The following HIVEP3 variants were observed in gnomAD, a reference collection of about 807,000 sequenced individuals.
The protein encoded by HIVEP3 is transcription factor HIVEP3.
A neutral mutation model predicts 152.8 loss-of-function variants in HIVEP3; 49 were observed. The ratio of observed to expected loss-of-function variants is 0.32; its 90% CI spans 0.26 to 0.41. The LOEUF is 0.41. Among genes scored for constraint, HIVEP3 ranks in the 10% least tolerant of loss-of-function variants. HIVEP3 has a pLI of 1.00. For synonymous variants in HIVEP3, 1,269 were observed against 1,289.0 expected, an observed-to-expected ratio of 0.98 and a Z score of 0.33; for missense variants, 2,790 against 3,103.3, an observed-to-expected ratio of 0.90 and a Z score of 2.40.
intron 5 of HIVEP3, among the ~76,000 whole-genome samples, chr1:41,553,982 G>T (rs959724877): frequency 6.6e-6 from 1 of 152,144 alleles, no homozygotes; most frequent in Non-Finnish European, 1.5e-5. Context: ...TCTTGGGGTT[G>T]CTCTTTTCAA....
intron 2 of HIVEP3, among the ~76,000 whole-genome samples, chr1:41,674,461 A>C (rs1645923904): frequency 6.6e-6 from 1 of 152,190 alleles, no homozygotes; most frequent in South Asian, 2.1e-4. Flanking sequence ...TATTTCAAGG[A>C]CGTGGGATTC....
chr1:41,748,173 C>T (rs986007466), intron 1 of HIVEP3, among the ~76,000 whole-genome samples: 4 of 152,224 alleles, frequency 2.6e-5, no homozygotes, highest in African/African-American at 4.8e-5. Context: ...TCAGAAGTCA[C>T]GGCAGGGCCT....
intron 1 of HIVEP3, among the ~76,000 whole-genome samples, chr1:41,810,337 A>G (rs1056289067): frequency 6.6e-6 from 1 of 152,244 alleles, no homozygotes; most frequent in Admixed American, 6.5e-5. Flanking sequence ...CTTGTAAGAA[A>G]GCAAAACTCC....
intron 1 of HIVEP3, among the ~76,000 whole-genome samples, chr1:41,839,947 T>C (rs577777256): frequency 6.6e-6 from 1 of 152,330 alleles, no homozygotes; most frequent in Middle Eastern, 3.4e-3. Flanking sequence ...GTGTGACTAT[T>C]TAAATGAGAT....
intron 1 of HIVEP3, among the ~76,000 whole-genome samples, chr1:41,852,486 T>G (rs1332004505): frequency 3.9e-5 from 6 of 152,224 alleles, no homozygotes; most frequent in Non-Finnish European, 8.8e-5. Flanking sequence ...AGCTTCCCTC[T>G]TATGACCAGG....
intron 6 of HIVEP3, among the ~76,000 whole-genome samples, chr1:41,521,029 AATGGAACCTAG>A (rs777336641): frequency 1.2e-4 from 18 of 152,204 alleles, no homozygotes; most frequent in Non-Finnish European, 2.5e-4. Context: ...GTGGAGGCAG[AATGGAACCTAG>A]ATGGAACCTG....
rs186600895 is a variant in HIVEP3 at position 41,809,113 on chromosome 1, C to T, written c.-800-108118G>A. On this transcript the variant is annotated intron_variant, in intron 1 of 8. Transcript: ENST00000372583. ...TACTAGGTGGTCTCAAGCTAAGTAA[C>T]ACAATTTGGGGTTCAGAGCACAGCT... 2.6e-5 allele frequency among the ~76,000 whole-genome samples: 4 copies of T among 152,294 alleles called. No homozygotes were observed. In the East Asian group the frequency reaches 5.8e-4, roughly 22 times the overall value.
intron 5 of HIVEP3, chr1:41,542,197 A>C (rs1254010967): frequency 1.3e-5 from 2 of 152,272 alleles, no homozygotes; most frequent in African/African-American, 4.8e-5. Context: ...TTTCGTGCTA[A>C]GAGGCTGGCT....
At chr1:41,982,277 G>A (rs1360026703) in intron 1 of HIVEP3, among the ~76,000 whole-genome samples, 3 of 152,174 alleles carry the variant, frequency 2.0e-5, no homozygotes, top group Non-Finnish European at 4.4e-5. Context: ...GGATTCAAAG[G>A]TAACAAAATC....
chr1:41,839,591 G>A (rs1447963556), intron 1 of HIVEP3, among the ~76,000 whole-genome samples: 13 of 152,236 alleles, frequency 8.5e-5, no homozygotes, highest in South Asian at 4.2e-4. Flanking sequence ...CTAACAAATC[G>A]CAGGGCCCAG....
In HIVEP3 at chr1:41,806,859, C is replaced by T. The variant is rs187765892; in HGVS notation, c.-800-105864G>A. Among the ~76,000 whole-genome samples, 10 of 152,260 alleles carry T rather than the reference C, an allele frequency of 6.6e-5. No homozygotes were observed. In the East Asian group the frequency reaches 7.7e-4, roughly 12 times the overall value. ...CTGCTTTACCCAAGAGAGGTCAAGA[C>T]GACAGGACTGAGAGTATGATGTGCT... On this transcript the variant is annotated intron_variant, in intron 1 of 8. Transcript: ENST00000372583.
At chr1:41,518,374 G>A in intron 7 of HIVEP3, 28 bp downstream of exon 7, 1 of 1,585,134 alleles carries the variant, frequency 6.3e-7, no homozygotes, top group Non-Finnish European at 8.7e-7. Context: ...CAAGGGGAAA[G>A]GGGACGGAGA....
At chr1:41,819,873 C>T (rs1642537333) in intron 1 of HIVEP3, among the ~76,000 whole-genome samples, 1 of 152,080 alleles carries the variant, frequency 6.6e-6, no homozygotes. Flanking sequence ...TATATAAATG[C>T]TTTAGATCAG....
At chr1:41,711,332 G>A (rs561869518) in intron 1 of HIVEP3, among the ~76,000 whole-genome samples, 11 of 152,348 alleles carry the variant, frequency 7.2e-5, no homozygotes, top group African/African-American at 1.2e-4. Flanking sequence ...CATCCATGGC[G>A]TCTACTGGTT....
chr1:41,548,473 C>A (rs1307514337), intron 5 of HIVEP3, among the ~76,000 whole-genome samples: 1 of 152,154 alleles, frequency 6.6e-6, no homozygotes, highest in Admixed American at 6.5e-5. Context: ...CTTTTTTAAG[C>A]AACTCTTTTT....
rs548994798 is a variant in HIVEP3, at chr1:41,560,664, G to A, written c.5207+14880C>T. 3.5e-4 allele frequency among the ~76,000 whole-genome samples: 54 copies of A among 152,340 alleles called. 1 individual carries two copies. The highest frequency in any genetic ancestry group is 1.3e-3 in the African/African-American group (53 of 41,586). The stretch of plus-strand genomic sequence containing the variant: ...ACCCCGTGGACTGCAAGGAACTGCT[G>A]AAGCTGCTGGGTTGGGTCTCCTTTC... On this transcript the variant is annotated intron_variant, in intron 5 of 8. Transcript: ENST00000372583.
chr1:41,986,661 C>T (rs1475771206), intron 1 of HIVEP3, among the ~76,000 whole-genome samples: 2 of 152,022 alleles, frequency 1.3e-5, no homozygotes, highest in Non-Finnish European at 2.9e-5. Context: ...AGGATGGTCT[C>T]GATCTCCTGA....
At chr1:41,922,233 A>G (rs1644945503), upstream of HIVEP3, among the ~76,000 whole-genome samples, 1 of 152,250 alleles carries the variant, frequency 6.6e-6, no homozygotes, top group Non-Finnish European at 1.5e-5. Context: ...CTTCCTCATA[A>G]AGGAGAAAAA....
chr1:41,615,998 C>G (rs138515162), intron 3 of HIVEP3, among the ~76,000 whole-genome samples: 15 of 152,140 alleles, frequency 9.9e-5, no homozygotes, highest in South Asian at 8.3e-4. Context: ...ATGACACTCT[C>G]TACCGCATCT....
Sources: allele counts gnomAD v4.1 joint callset (sites outside exome capture counted in the v4.1 genomes callset), GRCh38; gene constraint gnomAD v4.1.1; transcripts MANE v1.5; gene names NCBI Gene and HGNC (gene_info 2026-07-23, HGNC 2026-07-21).